Variants in ADORA2B observed in about 807,000 individuals in gnomAD.
The protein encoded by ADORA2B is adenosine receptor A2b.
In ADORA2B, 18 loss-of-function variants were observed where a neutral mutation model predicts 20.8. That is an observed-to-expected ratio of 0.87 (90% CI 0.60 to 1.29). The LOEUF is 1.29. Ranked by LOEUF, ADORA2B falls within the 50% of genes most tolerant of loss-of-function variation. The probability of loss-of-function intolerance (pLI) is 0.00; values close to 1 mark genes in which losing one functional copy is unlikely to be tolerated. For missense variants in ADORA2B, 441 were observed against 422.7 expected (o/e 1.04, Z -0.38); for synonymous variants, 179 against 178.3 (o/e 1.00, Z -0.03).
chr17:15,963,087 T>C (rs1970060456), intron 1 of ADORA2B, among the ~76,000 whole-genome samples: 1 of 152,168 alleles, frequency 6.6e-6, no homozygotes, highest in Admixed American at 6.5e-5. Context: ...GCCCTAGCAA[T>C]AAACAGAGGT....
At chr17:15,911,144 C>T in the ADORA2B span, among the ~76,000 whole-genome samples, 1 of 152,192 alleles carries the variant, frequency 6.6e-6, no homozygotes, top group Non-Finnish European at 1.5e-5. Flanking sequence ...AACTGCTTGG[C>T]GATGGTCATT....
At chr17:15,952,962 A>ATCT (rs1047386834) in intron 1 of ADORA2B, among the ~76,000 whole-genome samples, 15 of 152,278 alleles carry the variant, frequency 9.9e-5, no homozygotes, top group Non-Finnish European at 1.9e-4. Context: ...TAGCAAATGT[A>ATCT]TCTTCTTGGA....
the ADORA2B span, among the ~76,000 whole-genome samples, chr17:15,853,699 A>T: frequency 3.3e-5 from 5 of 152,358 alleles, no homozygotes; most frequent in South Asian, 6.2e-4. Context: ...AGATGGTTTC[A>T]TCATGAAATC....
rs139889185 is a variant in ADORA2B, at chr17:15,962,282, A to G, written c.336-12397A>G. Among the ~76,000 whole-genome samples the G allele has an allele frequency of 3.5e-3, 535 of 152,258 alleles. 4 individuals carry two copies. Among genetic ancestry groups the G allele is most frequent in the African/African-American group, 0.012 (499 of 41,564 alleles). Reference sequence around the variant, plus strand: ...CGCGCCACTGCACTCCATCCTGGGCAATAGAGCAAGACTGCGTCTCAAAAC... The same window carrying G: ...CGCGCCACTGCACTCCATCCTGGGCGATAGAGCAAGACTGCGTCTCAAAAC... On this transcript the variant is annotated intron_variant, in intron 1 of 1. Transcript: ENST00000304222.
Position 15,975,166 on chromosome 17 carries a change from GCCATTCTT to G in ADORA2B, c.825_832del (p.Ile276ValfsTer57). The stretch of plus-strand genomic sequence containing the variant: ...TAAGCCCAAGTGGGCAATGAATATG[GCCATTCTT>G]CTGTCACATGCCAATTCAGTTGTCA... On this transcript the variant is annotated frameshift_variant, in exon 2 of 2. Transcript: ENST00000304222. LOFTEE classifies it high-confidence loss of function. 1 of 1,614,180 alleles carries G rather than the reference GCCATTCTT, an allele frequency of 6.2e-7. No individual in the cohort carries two copies. Among genetic ancestry groups the G allele is most frequent in the South Asian group, 1.1e-5 (1 of 91,084 alleles).
the ADORA2B span, among the ~76,000 whole-genome samples, chr17:15,893,309 T>A: frequency 6.6e-6 from 1 of 152,208 alleles, no homozygotes; most frequent in Non-Finnish European, 1.5e-5. Flanking sequence ...CTAGGGAAAG[T>A]TAGAGATAAT....
intron 1 of ADORA2B, among the ~76,000 whole-genome samples, chr17:15,952,438 A>G: frequency 6.6e-6 from 1 of 152,130 alleles, no homozygotes; most frequent in East Asian, 1.9e-4. Flanking sequence ...GCAGAAAATT[A>G]TGTTTAGCCC....
chr17:15,917,342 C>T, the ADORA2B span, among the ~76,000 whole-genome samples: 12,961 of 152,200 alleles, frequency 0.085, 1,543 homozygotes, highest in African/African-American at 0.26. Flanking sequence ...GGGGGCTAGG[C>T]GGGGACAGCG....
chr17:15,975,304 C>A lies in ADORA2B; in HGVS notation c.961C>A (p.Gln321Lys). 6.2e-7 allele frequency: 1 copy of A among 1,613,168 alleles called. No individual in the cohort carries two copies. The highest frequency in any genetic ancestry group is 1.1e-5 in the South Asian group (1 of 91,040). Residue 321 changes from glutamine (Q) to lysine (K), a missense_variant, in exon 2 of 2, where the codon CAG becomes AAG. Physicochemically the swap from Gln to Lys is moderately conservative, Grantham distance 53. Coordinates refer to ENST00000304222, the MANE Select transcript of ADORA2B (RefSeq NM_000676.4). ...AGCAGATGTCAAGAGTGGGAATGGTCAGGCTGGGGTACAGCCTGCTCTCGG... is the reference window on the plus strand; with the variant it reads ...AGCAGATGTCAAGAGTGGGAATGGTAAGGCTGGGGTACAGCCTGCTCTCGG... ...CQADVKSGNGQAGVQPALGVG... is the reference protein window; with the variant it reads ...CQADVKSGNGKAGVQPALGVG...
chr17:15,894,052 C>A, the ADORA2B span, among the ~76,000 whole-genome samples: 1 of 152,180 alleles, frequency 6.6e-6, no homozygotes, highest in African/African-American at 2.4e-5. Flanking sequence ...CAACCCCTGA[C>A]CTAGAACATC....
At chr17:15,882,466 C>T in the ADORA2B span, among the ~76,000 whole-genome samples, 3 of 152,126 alleles carry the variant, frequency 2.0e-5, no homozygotes, top group East Asian at 1.9e-4. Context: ...GTAATCCCAA[C>T]GCTTTGGAAA....
At chr17:15,928,834 A>G in the ADORA2B span, among the ~76,000 whole-genome samples, 25 of 152,204 alleles carry the variant, frequency 1.6e-4, no homozygotes, top group African/African-American at 5.8e-4. Flanking sequence ...TGTGAGGAGG[A>G]TGAGAAACCT....
At chr17:15,912,559 A>G in the ADORA2B span, among the ~76,000 whole-genome samples, 6 of 152,214 alleles carry the variant, frequency 3.9e-5, no homozygotes, top group Non-Finnish European at 8.8e-5. Flanking sequence ...TAGCCAGGAT[A>G]GCAGCCACGG....
intron 1 of ADORA2B, 78 bp downstream of exon 1, chr17:15,945,661 C>T: frequency 7.4e-7 from 1 of 1,357,596 alleles, no homozygotes. Context: ...GCCGGGGTTC[C>T]TCCCTCGGGG....
At chr17:15,909,363 TA>T in the ADORA2B span, among the ~76,000 whole-genome samples, 1 of 152,216 alleles carries the variant, frequency 6.6e-6, no homozygotes, top group African/African-American at 2.4e-5. Flanking sequence ...GAATTCTAGG[TA>T]ACAATGTTAA....
chr17:15,886,590 C>T, the ADORA2B span, among the ~76,000 whole-genome samples: 10 of 130,140 alleles, frequency 7.7e-5, 2 homozygotes, highest in African/African-American at 2.9e-4. Flanking sequence ...GGTGACTCCA[C>T]GAGGAGAGGA....
At chr17:15,968,412 C>T (rs1296316228) in intron 1 of ADORA2B, among the ~76,000 whole-genome samples, 3 of 152,132 alleles carry the variant, frequency 2.0e-5, no homozygotes, top group Non-Finnish European at 4.4e-5. Context: ...ACATACATAC[C>T]ATAACATCGC....
chr17:15,874,082 G>GTATATATATA, the ADORA2B span, among the ~76,000 whole-genome samples: 3 of 137,578 alleles, frequency 2.2e-5, no homozygotes, highest in African/African-American at 8.6e-5. Context: ...ATATATATAT[G>GTATATATATA]TATATATATG....
chr17:15,974,596 T>G (rs1167350478), intron 1 of ADORA2B, 83 bp from the exon 2 acceptor site: 1 of 1,270,396 alleles, frequency 7.9e-7, no homozygotes, highest in Admixed American at 2.2e-5. Context: ...TAAAGGGTCA[T>G]GGAAAAAAGA....
Sources: allele counts gnomAD v4.1 joint callset (sites outside exome capture counted in the v4.1 genomes callset), GRCh38; gene constraint gnomAD v4.1.1; transcripts MANE v1.5; gene names NCBI Gene and HGNC (gene_info 2026-07-23, HGNC 2026-07-21).